The following XPR1 variants were observed in gnomAD, a reference collection of about 807,000 sequenced individuals.
XPR1 encodes solute carrier family 53 member 1.
Under a neutral mutation model 87.5 loss-of-function variants are expected in XPR1, and 28 were observed. The observed-to-expected ratio is 0.32, with a 90% CI of 0.24 to 0.44. The LOEUF (loss-of-function observed/expected upper bound fraction) is 0.44. Among genes scored for constraint, XPR1 ranks in the 20% least tolerant of loss-of-function variants. The pLI, the probability that XPR1 is intolerant of heterozygous loss-of-function variation, is 1.00. For missense variants in XPR1, 559 were observed against 862.3 expected (o/e 0.65, Z 4.41); for synonymous variants, 300 against 306.1 (o/e 0.98, Z 0.21).
chr1:180,833,659 A>T (rs1471172174), intron 9 of XPR1, among the ~76,000 whole-genome samples: 1 of 152,224 alleles, frequency 6.6e-6, no homozygotes, highest in Non-Finnish European at 1.5e-5. Context: ...AACAAGAACA[A>T]AGCTTTTCAT....
Position 180,653,799 on chromosome 1 carries a change from G to A in XPR1, c.69+21529G>A, listed in dbSNP as rs541548455. Among the ~76,000 whole-genome samples the A allele has an allele frequency of 1.1e-4, 16 of 152,190 alleles. No homozygotes were observed. In the South Asian group the frequency reaches 3.1e-3, roughly 30 times the overall value. On this transcript the variant is annotated intron_variant, in intron 1 of 14. Transcript: ENST00000367590. ...AATATAAGCACTGCAAAAAAATACCGTTAACGTTGATCTGGTAACTGCATT... is the reference window on the plus strand; with the variant it reads ...AATATAAGCACTGCAAAAAAATACCATTAACGTTGATCTGGTAACTGCATT...
At chr1:180,854,725 T>C (rs906943430) in intron 11 of XPR1, among the ~76,000 whole-genome samples, 3 of 152,132 alleles carry the variant, frequency 2.0e-5, no homozygotes, top group Non-Finnish European at 4.4e-5. Flanking sequence ...TCTGTTTAAT[T>C]ATAGGAAAGA....
At chr1:180,687,024 GT>G (rs1656804302) in intron 2 of XPR1, among the ~76,000 whole-genome samples, 1 of 152,060 alleles carries the variant, frequency 6.6e-6, no homozygotes, top group African/African-American at 2.4e-5. Flanking sequence ...TTAACAGTAA[GT>G]TTAGTTTTCT....
chr1:180,880,430 A>G, intron 14 of XPR1, 133 bp downstream of exon 14: 1 of 939,036 alleles, frequency 1.1e-6, no homozygotes, highest in South Asian at 1.6e-5. Context: ...CTACAAAAAA[A>G]CAGTAATAAG....
At chr1:180,781,793 A>AT (rs1648953287) in intron 2 of XPR1, among the ~76,000 whole-genome samples, 1 of 151,968 alleles carries the variant, frequency 6.6e-6, no homozygotes, top group Non-Finnish European at 1.5e-5. Flanking sequence ...AGCATTAGGT[A>AT]TATCTCCTAA....
chr1:180,744,654 C>CTTTTTTCTTTT (rs1553243751), intron 2 of XPR1, among the ~76,000 whole-genome samples: 8 of 102,402 alleles, frequency 7.8e-5, no homozygotes, highest in African/African-American at 3.2e-4. Flanking sequence ...CAATTTCTTT[C>CTTTTTTCTTTT]TTTTTTTTTT....
At chr1:180,750,674 C>A (rs934350702) in intron 2 of XPR1, among the ~76,000 whole-genome samples, 4 of 151,970 alleles carry the variant, frequency 2.6e-5, no homozygotes, top group African/African-American at 9.7e-5. Context: ...TGAAATCAAA[C>A]AATATAAATT....
intron 3 of XPR1, among the ~76,000 whole-genome samples, chr1:180,800,319 A>G (rs1649732875): frequency 6.6e-6 from 1 of 152,218 alleles, no homozygotes; most frequent in African/African-American, 2.4e-5. Flanking sequence ...ACTCCTAGGG[A>G]AAAAGATTCA....
At chr1:180,695,642 C>T (rs1571734389) in intron 2 of XPR1, among the ~76,000 whole-genome samples, 1 of 152,038 alleles carries the variant, frequency 6.6e-6, no homozygotes, top group Non-Finnish European at 1.5e-5. Flanking sequence ...TTTCATTTTT[C>T]TGCATATGGA....
At chr1:180,724,028 A>G (rs753157865) in intron 2 of XPR1, among the ~76,000 whole-genome samples, 5 of 152,212 alleles carry the variant, frequency 3.3e-5, no homozygotes, top group Non-Finnish European at 5.9e-5. Flanking sequence ...TACTTAGTTT[A>G]ATAAAAAACC....
At chr1:180,813,324 T>G (rs1053419975) in intron 7 of XPR1, among the ~76,000 whole-genome samples, 1 of 152,216 alleles carries the variant, frequency 6.6e-6, no homozygotes, top group Non-Finnish European at 1.5e-5. Context: ...TCTACCTAGC[T>G]TATTTCATCA....
intron 2 of XPR1, among the ~76,000 whole-genome samples, chr1:180,701,922 G>C (rs1392444194): frequency 8.6e-6 from 1 of 115,746 alleles, no homozygotes; most frequent in East Asian, 2.2e-4. Flanking sequence ...AGGGTTTTTT[G>C]TGTCTCTATT....
At chr1:180,730,148 C>T (rs771958175) in intron 2 of XPR1, among the ~76,000 whole-genome samples, 3 of 152,154 alleles carry the variant, frequency 2.0e-5, no homozygotes, top group Non-Finnish European at 2.9e-5. Flanking sequence ...AATAGGGAAT[C>T]CTTTCCCCAT....
At chr1:180,681,167 G>A (rs970980631) in intron 1 of XPR1, among the ~76,000 whole-genome samples, 13 of 152,140 alleles carry the variant, frequency 8.5e-5, no homozygotes, top group African/African-American at 3.1e-4. Flanking sequence ...GCTGACTATA[G>A]TTAACAATAG....
intron 2 of XPR1, among the ~76,000 whole-genome samples, chr1:180,724,723 A>G (rs1440766495): frequency 6.6e-6 from 1 of 152,220 alleles, no homozygotes; most frequent in African/African-American, 2.4e-5. Context: ...GCTAGAACTA[A>G]TAACACTTGA....
At chr1:180,740,841 T>C (rs930231233) in intron 2 of XPR1, among the ~76,000 whole-genome samples, 1 of 152,170 alleles carries the variant, frequency 6.6e-6, no homozygotes, top group Non-Finnish European at 1.5e-5. Context: ...CAGATTCCCA[T>C]GTCTGAAGGG....
chr1:180,749,916 C>A (rs567030964), intron 2 of XPR1, among the ~76,000 whole-genome samples: 13 of 152,068 alleles, frequency 8.5e-5, no homozygotes, highest in Non-Finnish European at 1.9e-4. Context: ...GTTAAAAGGG[C>A]AAATGAAGGG....
intron 2 of XPR1, among the ~76,000 whole-genome samples, chr1:180,685,881 C>A (rs1401530189): frequency 6.6e-6 from 1 of 151,712 alleles, no homozygotes; most frequent in Non-Finnish European, 1.5e-5. Flanking sequence ...TCTCTCTTTT[C>A]TTCTTTATTA....
chr1:180,862,331 A>T (rs193186809), intron 11 of XPR1, among the ~76,000 whole-genome samples: 2 of 152,114 alleles, frequency 1.3e-5, no homozygotes, highest in East Asian at 3.9e-4. Context: ...TTTCTCTCAC[A>T]TCTTCTATAT....
Sources: gnomAD v4.1 joint callset for allele counts (sites outside exome capture counted in the v4.1 genomes callset) on GRCh38, gnomAD v4.1.1 for gene constraint, MANE v1.5 for transcripts, NCBI Gene and HGNC (gene_info 2026-07-23, HGNC 2026-07-21) for gene names.